Variants in REXO1 observed in about 807,000 individuals in gnomAD.
REXO1 encodes REX1, RNA exonuclease 1 homolog.
Under a neutral mutation model 102.6 loss-of-function variants are expected in REXO1, and 42 were observed. The ratio of observed to expected loss-of-function variants is 0.41; its 90% CI spans 0.32 to 0.53. The LOEUF (loss-of-function observed/expected upper bound fraction) is 0.53, where lower values mean the gene tolerates loss of function less well. Ranked by LOEUF, REXO1 falls within the 20% of genes least tolerant of loss-of-function variation. The pLI is 0.27. For missense variants in REXO1, 1,819 were observed against 1,732.5 expected, an observed-to-expected ratio of 1.05 and a Z score of -0.89; for synonymous variants, 908 against 779.1, an observed-to-expected ratio of 1.17 and a Z score of -2.76.
intron 1 of REXO1, among the ~76,000 whole-genome samples, chr19:1,842,355 T>C (rs982321715): frequency 3.8e-4 from 58 of 152,374 alleles, no homozygotes; most frequent in African/African-American, 1.2e-3. Context: ...TGAAGGGTGC[T>C]GAGCAGTGCC....
intron 3 of REXO1, chr19:1,824,168 C>G: frequency 5.3e-6 from 1 of 187,346 alleles, no homozygotes; most frequent in African/African-American, 2.3e-5. Context: ...CTGCTGACCC[C>G]GGAGCCAGGC....
intron 1 of REXO1, among the ~76,000 whole-genome samples, chr19:1,839,138 C>A (rs2011190196): frequency 6.6e-6 from 1 of 152,038 alleles, no homozygotes; most frequent in Non-Finnish European, 1.5e-5. Context: ...CTCCTGTAAT[C>A]CCAGCTACTC....
At position 1,828,547 on chromosome 19, in the gene REXO1, G is replaced by A. The variant is rs147534740; in HGVS notation, c.242C>T (p.Pro81Leu). Residue 81 changes from proline to leucine, a missense_variant, in exon 2 of 16, where the codon CCG becomes CTG. Transcript: ENST00000170168. ...ENGTLGLGEE[P>L]RPDVLELELV... ...CTCCAACTCCAGCACATCCGGGCGC[G>A]GCTCCTCCCCCAGGCCCAGGGTGCC... 1.9e-5 allele frequency: 30 copies of A among 1,604,154 alleles called. No individual in the cohort carries two copies. In the African/African-American group the frequency reaches 2.4e-4, roughly 13 times the overall value.
chr19:1,833,231 A>C (rs987658961), intron 1 of REXO1, among the ~76,000 whole-genome samples: 17 of 152,194 alleles, frequency 1.1e-4, no homozygotes, highest in Non-Finnish European at 2.5e-4. Context: ...TCTCTAAAAC[A>C]AATAAAATTA....
chr19:1,819,199 T>TTGCCCCCCCCCCC, intron 7 of REXO1, 68 bp from the exon 8 acceptor site: 1 of 1,202,722 alleles, frequency 8.3e-7, no homozygotes, highest in East Asian at 2.5e-5. Context: ...CCGCCTGCTC[T>TTGCCCCCCCCCCC]CCCACCCACC....
At chr19:1,847,005 G>A (rs1389818170) in intron 1 of REXO1, among the ~76,000 whole-genome samples, 1 of 152,174 alleles carries the variant, frequency 6.6e-6, no homozygotes, top group Non-Finnish European at 1.5e-5. Context: ...CCGGCTGCGT[G>A]CTCCCAGGAC....
Position 1,817,335 on chromosome 19 carries a change from G to A in REXO1, c.3091-6C>T, listed in dbSNP as rs1306969157. On this transcript the variant is annotated splice_polypyrimidine_tract_variant and splice_region_variant and intron_variant, in intron 11 of 15. Coordinates refer to ENST00000170168, the MANE Select transcript of REXO1 (RefSeq NM_020695.4). Reference sequence around the variant, plus strand: ...CGGCCATCCTGCACGTGTTGCTGGGGGTGGAGAAGGCAGGTGAGGGCAGCT... The same window carrying A: ...CGGCCATCCTGCACGTGTTGCTGGGAGTGGAGAAGGCAGGTGAGGGCAGCT... 2 of 1,611,942 alleles carry A rather than the reference G, an allele frequency of 1.2e-6. No homozygotes were observed. The highest frequency in any genetic ancestry group is 1.7e-5 in the Admixed American group (1 of 59,988).
Position 1,816,739 on chromosome 19 carries a change from G to A in REXO1, c.3276C>T (p.Thr1092=), listed in dbSNP as rs376036954. Residue 1092 remains threonine (T), a synonymous_variant, in exon 13 of 16, where the codon ACC becomes ACT. Coordinates refer to ENST00000170168, the MANE Select transcript of REXO1 (RefSeq NM_020695.4). The part of the protein sequence containing the change: ...VDTDVHVVYD[T]FVKPDNEIVD... The stretch of plus-strand genomic sequence containing the variant: ...CGATCTCGTTGTCAGGCTTCACGAA[G>A]GTGTCATAAACCACGTGCACGTCCG... 3 of 1,612,972 alleles carry A rather than the reference G, an allele frequency of 1.9e-6. No individual in the cohort carries two copies. The African/African-American group carries it at 4.0e-5, about 22-fold the overall frequency.
rs1364820419 is a variant in REXO1, at chr19:1,828,646, G to A, written c.158-15C>T. 3.8e-6 allele frequency: 6 copies of A among 1,584,754 alleles called. No homozygotes were observed. Among genetic ancestry groups the A allele is most frequent in the Middle Eastern group, 1.7e-4 (1 of 6,006 alleles). On this transcript the variant is annotated splice_polypyrimidine_tract_variant and intron_variant, in intron 1 of 15. Coordinates refer to ENST00000170168, the MANE Select transcript of REXO1 (RefSeq NM_020695.4). ...GTAACCCAGCCCTGAAGGGAACAGAGAGCACAGCTGTGACCAGCCTGCCGG... is the reference window on the plus strand; with the variant it reads ...GTAACCCAGCCCTGAAGGGAACAGAAAGCACAGCTGTGACCAGCCTGCCGG...
At position 1,827,701 on chromosome 19, in the gene REXO1, T is replaced by C. The variant is rs758812907; in HGVS notation, c.1088A>G (p.Gln363Arg). 28 of 1,569,634 alleles carry C rather than the reference T, an allele frequency of 1.8e-5. No homozygotes were observed. Among genetic ancestry groups the C allele is most frequent in the Middle Eastern group, 1.7e-4 (1 of 5,880 alleles). ...GGGGCAGCCCCCATCCTGTGAGGACTGGACCTGGGCTGGGGAGGCGGGCTT... is the reference window on the plus strand; with the variant it reads ...GGGGCAGCCCCCATCCTGTGAGGACCGGACCTGGGCTGGGGAGGCGGGCTT... ...PAKPASPAQV[Q>R]SSQDGGCPKE... is the part of the protein sequence containing the mutation. The change falls in exon 2 of 16, where the codon CAG becomes CGG. Residue 363 changes from glutamine to arginine, a missense_variant. Gln to Arg is a conservative substitution (Grantham distance 43). Transcript: ENST00000170168.
At chr19:1,833,594 G>A (rs1411170861) in intron 1 of REXO1, among the ~76,000 whole-genome samples, 2 of 152,212 alleles carry the variant, frequency 1.3e-5, no homozygotes, top group Admixed American at 1.3e-4. Context: ...GCCGGCTGGG[G>A]CTGGGTGTCA....
At position 1,841,022 on chromosome 19, in the gene REXO1, C is replaced by G. The variant is rs528582658; in HGVS notation, c.157+7180G>C. Among the ~76,000 whole-genome samples, 4 of 152,354 alleles carry G rather than the reference C, an allele frequency of 2.6e-5. No individual in the cohort carries two copies. The South Asian group carries it at 8.3e-4, about 32-fold the overall frequency. Reference sequence around the variant, plus strand: ...CATGGGACGGGAGGCGCTCCGTCCTCGCAGCCGTTCCCAAAAACCTCTCGG... The same window carrying G: ...CATGGGACGGGAGGCGCTCCGTCCTGGCAGCCGTTCCCAAAAACCTCTCGG... On this transcript the variant is annotated intron_variant, in intron 1 of 15. Transcript: ENST00000170168.
At chr19:1,823,943 C>T in intron 3 of REXO1, 158 bp from the exon 4 acceptor site, 1 of 397,480 alleles carries the variant, frequency 2.5e-6, no homozygotes, top group Non-Finnish European at 4.4e-6. Context: ...GGGGAAGCAG[C>T]AGGGGGCAGT....
At position 1,828,075 on chromosome 19, in the gene REXO1, G is replaced by A. The variant is rs372221409; in HGVS notation, c.714C>T (p.Ser238=). ...TGCTGAGGTGCCGGGCCGAGTAGTT[G>A]GAGAGAGGGTCATACTCCAGGTCTG... ...PPTDLEYDPL[S]NYSARHLSRA... is the part of the protein sequence containing the mutation. The change falls in exon 2 of 16, where the codon TCC becomes TCT. Residue 238 remains serine, a synonymous_variant. Coordinates refer to ENST00000170168, the MANE Select transcript of REXO1 (RefSeq NM_020695.4). 37 of 1,613,104 alleles carry A rather than the reference G, an allele frequency of 2.3e-5. No individual in the cohort carries two copies. In the African/African-American group the frequency reaches 4.7e-4, roughly 20 times the overall value.
chr19:1,818,556 A>C lies in REXO1; in HGVS notation c.2942T>G (p.Leu981Arg), dbSNP rs371249431. The change falls in exon 10 of 16, where the codon CTC becomes CGC. Residue 981 changes from leucine to arginine, a missense_variant. Physicochemically the swap from Leu to Arg is moderately radical, Grantham distance 102. Coordinates refer to ENST00000170168, the MANE Select transcript of REXO1 (RefSeq NM_020695.4). Reference protein sequence around the residue: ...RTCCRCGTEYLVSSSGRCIRD... With the variant: ...RTCCRCGTEYRVSSSGRCIRD... The stretch of plus-strand genomic sequence containing the variant: ...GATGCAGCGGCCTGAAGAGGACACG[A>C]GGTACTCGGTGCCACAGCGGCAGCA... 1.2e-6 allele frequency: 2 copies of C among 1,612,062 alleles called. No individual in the cohort carries two copies. The highest frequency in any genetic ancestry group is 1.7e-5 in the Admixed American group (1 of 59,934).
rs923443168 is a variant in REXO1 at position 1,816,905 on chromosome 19, G to T, written c.3202-92C>A. 5 of 961,832 alleles carry T rather than the reference G, an allele frequency of 5.2e-6. No individual in the cohort carries two copies. The African/African-American group carries it at 6.4e-5, about 12-fold the overall frequency. The allele number at this position is 961,832 out of a possible 1,614,324, so 59.6% of individuals were successfully genotyped here. On this transcript the variant is annotated intron_variant, in intron 12 of 15. Coordinates refer to ENST00000170168, the MANE Select transcript of REXO1 (RefSeq NM_020695.4). ...CCTTTGAGTCTCCAGAGCCCCTCCA[G>T]GCAGAGGCAGTGACCAGAGACTCTG...
In REXO1 at chr19:1,829,677, G is replaced by A. The variant is rs1311917205; in HGVS notation, c.158-1046C>T. 7.2e-5 allele frequency among the ~76,000 whole-genome samples: 11 copies of A among 151,848 alleles called. No individual in the cohort carries two copies. The South Asian group carries it at 8.3e-4, about 11-fold the overall frequency. On this transcript the variant is annotated intron_variant, in intron 1 of 15. Coordinates refer to ENST00000170168, the MANE Select transcript of REXO1 (RefSeq NM_020695.4). ...TACAAAATTAGCCGGGCGTGGTGGC[G>A]CATGCCTGTAATCCCAGCTACTCAG... is the stretch of plus-strand genomic sequence containing the variant.
rs374000234 is a variant in REXO1, at chr19:1,827,424, C to T, written c.1365G>A (p.Ala455=). ...CCCCGCTTGTGGGGCTCGGCCGCCG[C>T]GCTGGCCGGTCAGGCCTCCCTTTCC... The part of the protein sequence containing the change: ...TSGKGRPDRP[A]RRPSPTSGDS... The change falls in exon 2 of 16, where the codon GCG becomes GCA. Residue 455 remains alanine (A), a synonymous_variant. Coordinates refer to ENST00000170168, the MANE Select transcript of REXO1 (RefSeq NM_020695.4). 3.1e-5 allele frequency: 48 copies of T among 1,549,636 alleles called. No individual in the cohort carries two copies. Among genetic ancestry groups the T allele is most frequent in the South Asian group, 2.7e-4 (23 of 84,882 alleles).
rs1185784693 is a variant in REXO1 at position 1,817,764 on chromosome 19, C to G, written c.3033G>C (p.Glu1011Asp). The G allele has an allele frequency of 6.2e-7, 1 of 1,612,126 alleles. No individual in the cohort carries two copies. Among genetic ancestry groups the G allele is most frequent in the East Asian group, 2.2e-5 (1 of 44,868 alleles). The change falls in exon 11 of 16, where the codon GAG (glutamate) becomes GAC (aspartate). Residue 1011 changes from glutamate to aspartate, a missense_variant. By Grantham distance (45) the Glu-to-Asp change is conservative. Coordinates refer to ENST00000170168, the MANE Select transcript of REXO1 (RefSeq NM_020695.4). ...CAGCCGAGCAGCACATGTACTGGGT[C>G]TCCCAGCCTCCGGCCACTGCAGGGG... ...LRRNRVAGGW[E>D]TQYMCCSAAA...
Sources: allele counts gnomAD v4.1 joint callset (sites outside exome capture counted in the v4.1 genomes callset), GRCh38; gene constraint gnomAD v4.1.1; transcripts MANE v1.5; gene names NCBI Gene and HGNC (gene_info 2026-07-23, HGNC 2026-07-21).